MIER2: variants seen among roughly 807,000 people sequenced by gnomAD.
MIER2 encodes mesoderm induction early response protein 2.
Under a neutral mutation model 67.6 loss-of-function variants are expected in MIER2, and 30 were observed. The ratio of observed to expected loss-of-function variants is 0.44; its 90% CI spans 0.33 to 0.60. The LOEUF is 0.60. Among genes scored for constraint, MIER2 ranks in the 20% least tolerant of loss-of-function variants. The pLI is 0.02. For missense variants in MIER2, 702 were observed against 745.1 expected (o/e 0.94, Z 0.67); for synonymous variants, 372 against 312.6 (o/e 1.19, Z -2.00).
chr19:319,021 C>T (rs1414718119), intron 7 of MIER2, among the ~76,000 whole-genome samples: 1 of 145,070 alleles, frequency 6.9e-6, no homozygotes, highest in Admixed American at 7.0e-5. Flanking sequence ...CACGCCACTG[C>T]ACTCCAGCCT....
At chr19:324,308 A>G (rs1289022658) in intron 7 of MIER2, among the ~76,000 whole-genome samples, 1 of 139,426 alleles carries the variant, frequency 7.2e-6, no homozygotes, top group Non-Finnish European at 1.5e-5. Context: ...CAAGACACAC[A>G]CAACCACGCA....
chr19:340,806 C>G (rs571815946), intron 1 of MIER2, among the ~76,000 whole-genome samples: 1 of 152,282 alleles, frequency 6.6e-6, no homozygotes, highest in Non-Finnish European at 1.5e-5. Context: ...TAAGTGGAGA[C>G]TGACAGGACC....
At chr19:341,888 T>C (rs560735320) in intron 1 of MIER2, among the ~76,000 whole-genome samples, 4 of 152,262 alleles carry the variant, frequency 2.6e-5, no homozygotes, top group Admixed American at 2.6e-4. Context: ...ACATAAAGAC[T>C]GCACCAGAGG....
intron 1 of MIER2, among the ~76,000 whole-genome samples, chr19:337,660 A>C (rs1972319686): frequency 6.6e-6 from 1 of 151,930 alleles, no homozygotes; most frequent in Non-Finnish European, 1.5e-5. Flanking sequence ...TGAGGTCAGG[A>C]GTTCAAGACT....
At chr19:321,269 G>C (rs889855152) in intron 7 of MIER2, among the ~76,000 whole-genome samples, 1 of 152,214 alleles carries the variant, frequency 6.6e-6, no homozygotes, top group African/African-American at 2.4e-5. Context: ...CTGAGTGCAT[G>C]AGATACATAC....
At chr19:324,876 G>A (rs1322071588) in intron 7 of MIER2, among the ~76,000 whole-genome samples, 2 of 152,234 alleles carry the variant, frequency 1.3e-5, no homozygotes, top group African/African-American at 2.4e-5. Context: ...CCTGCCTTCT[G>A]GATGTCCCAG....
chr19:343,970 T>C (rs1415916262), intron 1 of MIER2: 8 of 985,396 alleles, frequency 8.1e-6, no homozygotes, highest in South Asian at 4.7e-5. Context: ...TAGACAGTCC[T>C]AGGTGGGTTT....
intron 2 of MIER2, among the ~76,000 whole-genome samples, chr19:335,427 C>T (rs753769376): frequency 4.6e-5 from 7 of 152,218 alleles, no homozygotes; most frequent in Admixed American, 2.0e-4. Flanking sequence ...TGGGTGCGCC[C>T]GGACCCTCAG....
rs375724648 is a variant in MIER2 at position 307,467 on chromosome 19, G to T, written c.1268C>A (p.Ser423Tyr). The T allele has an allele frequency of 3.2e-6, 5 of 1,559,686 alleles. No individual in the cohort carries two copies. The African/African-American group carries it at 6.8e-5, about 21-fold the overall frequency. ...EPGVASDGLP[S>Y]SEPGPCSFQQ... ...GAAGGAACACGGCCCTGGCTCCGAG[G>T]ACGGGAGTCCATCAGAGGCCACTCC... is the stretch of plus-strand genomic sequence containing the variant. The change falls in exon 13 of 14, where the codon TCC becomes TAC. Residue 423 changes from serine (S) to tyrosine (Y), a missense_variant. This residue lies in a region of MIER2 where 254 missense variants were observed against 262.8 expected (regional missense o/e 0.97). Coordinates refer to ENST00000264819, the MANE Select transcript of MIER2 (RefSeq NM_017550.3).
intron 7 of MIER2, among the ~76,000 whole-genome samples, chr19:320,408 A>G (rs532261064): frequency 2.6e-4 from 39 of 152,170 alleles, no homozygotes; most frequent in African/African-American, 8.9e-4. Flanking sequence ...TAGATAAATA[A>G]ATAAAATTTA....
intron 3 of MIER2, among the ~76,000 whole-genome samples, chr19:331,304 G>A (rs1051330920): frequency 4.7e-5 from 7 of 149,584 alleles, no homozygotes; most frequent in Non-Finnish European, 1.0e-4. Flanking sequence ...GTTCCAGTGA[G>A]CCCAGATTGC....
At chr19:309,086 G>A (rs1209474293) in intron 10 of MIER2, among the ~76,000 whole-genome samples, 161 bp from the exon 11 acceptor site, 1 of 151,972 alleles carries the variant, frequency 6.6e-6, no homozygotes, top group African/African-American at 2.4e-5. Flanking sequence ...ACCCTAACAG[G>A]CCACAGGCTA....
At chr19:327,306 C>T (rs756183907) in intron 4 of MIER2, 50 bp from the exon 5 acceptor site, 13 of 1,549,746 alleles carry the variant, frequency 8.4e-6, no homozygotes, top group East Asian at 2.3e-5. Flanking sequence ...TTAACAATCT[C>T]GCAATACCAC....
chr19:325,569 G>C, intron 7 of MIER2, 66 bp downstream of exon 7: 5 of 1,574,968 alleles, frequency 3.2e-6, no homozygotes, highest in Non-Finnish European at 4.4e-6. Context: ...CCAAGGATCT[G>C]ACGTCCAGCC....
In MIER2 at chr19:305,890, C is replaced by G. The variant is rs1296836564; in HGVS notation, c.*800G>C. The G allele has an allele frequency of 1.3e-5, 2 of 152,308 alleles. No individual in the cohort carries two copies. The highest frequency in any genetic ancestry group is 4.8e-5 in the African/African-American group (2 of 41,440). The allele number at this position is 152,308 out of a possible 1,614,324, so 9.4% of individuals were successfully genotyped here. ...GGGGAAACAGGCTGGAGTCTGGCCC[C>G]TGCGTGGCCAGCAGGGCCGGCTCCT... On this transcript the variant is annotated 3_prime_UTR_variant, in exon 14 of 14. Transcript: ENST00000264819.
chr19:328,119 T>G (rs1161034054), intron 3 of MIER2, 130 bp from the exon 4 acceptor site: 1 of 1,268,828 alleles, frequency 7.9e-7, no homozygotes, highest in Non-Finnish European at 1.1e-6. Flanking sequence ...ACTCCCCACA[T>G]GGCAGCACTC....
intron 3 of MIER2, among the ~76,000 whole-genome samples, chr19:328,362 T>C (rs1971862428): frequency 6.6e-6 from 1 of 151,238 alleles, no homozygotes; most frequent in Non-Finnish European, 1.5e-5. Flanking sequence ...CATCAATATA[T>C]TAAAGGGGAA....
intron 7 of MIER2, among the ~76,000 whole-genome samples, chr19:314,921 A>C (rs1971170893): frequency 6.6e-6 from 1 of 151,724 alleles, no homozygotes; most frequent in Non-Finnish European, 1.5e-5. Flanking sequence ...AAAAAATTTC[A>C]AATGTAGTAC....
At chr19:310,755 C>CAGAAACACGGAGTCCAT (rs1568216910) in intron 10 of MIER2, among the ~76,000 whole-genome samples, 1 of 118,012 alleles carries the variant, frequency 8.5e-6, no homozygotes, top group Non-Finnish European at 1.7e-5. Flanking sequence ...CCCGGAGCTA[C>CAGAAACACGGAGTCCAT]AGAAACACGG....
Sources: allele counts gnomAD v4.1 joint callset (sites outside exome capture counted in the v4.1 genomes callset), GRCh38; gene constraint gnomAD v4.1.1; regional missense constraint gnomAD v4.1.1; transcripts MANE v1.5; gene names NCBI Gene and HGNC (gene_info 2026-07-23, HGNC 2026-07-21).